The following SPRYD7 variants were observed in gnomAD, a reference collection of about 807,000 sequenced individuals.
SPRYD7 encodes SPRY domain containing 7.
SPRYD7 carries 14 observed loss-of-function variants against 23.8 expected under a neutral mutation model. That is an observed-to-expected ratio of 0.59 (90% CI 0.39 to 0.92). SPRYD7 has a LOEUF of 0.92. Ranked by LOEUF, SPRYD7 falls within the 40% of genes least tolerant of loss-of-function variation. SPRYD7 has a pLI of 0.00. For synonymous variants in SPRYD7, 75 were observed against 84.9 expected (o/e 0.88, Z 0.64); for missense variants, 194 against 241.7 (o/e 0.80, Z 1.31).
Position 49,916,109 on chromosome 13 carries a change from C to T in SPRYD7, c.494-949G>A, listed in dbSNP as rs144045849. Among the ~76,000 whole-genome samples, 159 of 152,152 alleles carry T rather than the reference C, an allele frequency of 1.0e-3. 1 individual carries two copies. Among genetic ancestry groups the T allele is most frequent in the Middle Eastern group, 3.4e-3 (1 of 294 alleles). ...TTTGGGGTGGTGAATATGTTCATTA[C>T]CTTGACCCTGGTGATGACAAAACAA... is the stretch of plus-strand genomic sequence containing the variant. On this transcript the variant is annotated intron_variant, in intron 4 of 4. Transcript: ENST00000361840.
intron 3 of SPRYD7, among the ~76,000 whole-genome samples, chr13:49,926,682 A>G (rs993878021): frequency 6.6e-6 from 1 of 152,192 alleles, no homozygotes; most frequent in Non-Finnish European, 1.5e-5. Flanking sequence ...ACCTTTCTTC[A>G]TTCTTTCTAA....
rs1871621712 is a variant in SPRYD7, at chr13:49,936,187, T to TC, written c.48dup (p.Thr17AspfsTer52). 7 of 1,609,400 alleles carry TC rather than the reference T, an allele frequency of 4.3e-6. No individual in the cohort carries two copies. Among genetic ancestry groups the TC allele is most frequent in the Non-Finnish European group, 3.4e-6 (4 of 1,178,946 alleles). On this transcript the variant is annotated frameshift_variant, in exon 1 of 5. Transcript: ENST00000361840. LOFTEE classifies it high-confidence loss of function. ...ATCTCCTTCAGAGGGATGTGGCCAG[T>TC]CCCCCCGTCTCTGCAGCACCGCAGG...
At position 49,923,511 on chromosome 13, in the gene SPRYD7, G is replaced by A. The variant is rs372654415; in HGVS notation, c.391-1931C>T. On this transcript the variant is annotated intron_variant, in intron 3 of 4. Coordinates refer to ENST00000361840, the MANE Select transcript of SPRYD7 (RefSeq NM_020456.4). ...TGCCCGCCTCGGTCTCCCAAAATGC[G>A]GAGATTACAGGCGTTGGCCACCGCG... is the stretch of plus-strand genomic sequence containing the variant. 5.3e-5 allele frequency among the ~76,000 whole-genome samples: 8 copies of A among 152,228 alleles called. No homozygotes were observed. In the South Asian group the frequency reaches 8.3e-4, roughly 16 times the overall value.
intron 4 of SPRYD7, among the ~76,000 whole-genome samples, chr13:49,920,978 A>G (rs1955812024): frequency 6.6e-6 from 1 of 152,082 alleles, no homozygotes; most frequent in Admixed American, 6.6e-5. Flanking sequence ...AAATAAATAA[A>G]TAAAATAAAA....
chr13:49,932,625 G>GT (rs1340552743), intron 1 of SPRYD7, among the ~76,000 whole-genome samples: 2 of 152,136 alleles, frequency 1.3e-5, no homozygotes, highest in East Asian at 3.8e-4. Flanking sequence ...GGCAATAACT[G>GT]TACCAGCCAA....
At chr13:49,923,719 C>T (rs2138224150) in intron 3 of SPRYD7, among the ~76,000 whole-genome samples, 1 of 152,266 alleles carries the variant, frequency 6.6e-6, no homozygotes, top group East Asian at 1.9e-4. Flanking sequence ...GTGGCGCGAC[C>T]TTGGCTCAGT....
At chr13:49,917,234 G>C (rs1470536989) in intron 4 of SPRYD7, among the ~76,000 whole-genome samples, 1 of 152,124 alleles carries the variant, frequency 6.6e-6, no homozygotes, top group Non-Finnish European at 1.5e-5. Flanking sequence ...CTCCCAAGTA[G>C]CTGGGACCAC....
intron 4 of SPRYD7, 44 bp downstream of exon 4, chr13:49,921,434 A>AGTTAATATGT: frequency 8.2e-7 from 1 of 1,215,386 alleles, no homozygotes; most frequent in Non-Finnish European, 1.2e-6. Context: ...ACACCAAACA[A>AGTTAATATGT]GTTAATATGT....
chr13:49,927,776 C>T, intron 3 of SPRYD7, 143 bp downstream of exon 3: 1 of 807,662 alleles, frequency 1.2e-6, no homozygotes, highest in Non-Finnish European at 1.9e-6. Flanking sequence ...ACCAAGTGCT[C>T]TCCTGGAAAA....
At chr13:49,931,251 C>A (rs1479065623) in intron 1 of SPRYD7, 117 bp from the exon 2 acceptor site, 2 of 525,714 alleles carry the variant, frequency 3.8e-6, no homozygotes, top group Non-Finnish European at 6.6e-6. Flanking sequence ...ACGGTCTTGG[C>A]TCACTGCAAC....
At chr13:49,921,372 T>C (rs1955818117) in intron 4 of SPRYD7, 106 bp downstream of exon 4, 3 of 714,784 alleles carry the variant, frequency 4.2e-6, no homozygotes, top group Admixed American at 4.2e-5. Context: ...CCTTTATAAA[T>C]TACCAAGTCT....
At chr13:49,930,396 A>G (rs763197674) in intron 2 of SPRYD7, among the ~76,000 whole-genome samples, 6 of 152,040 alleles carry the variant, frequency 3.9e-5, no homozygotes, top group Admixed American at 6.5e-5. Flanking sequence ...CCTGACCAAC[A>G]TGGTGAAACC....
chr13:49,932,843 T>C (rs540480551), intron 1 of SPRYD7, among the ~76,000 whole-genome samples: 25 of 152,248 alleles, frequency 1.6e-4, no homozygotes, highest in Non-Finnish European at 3.2e-4. Context: ...GATCCTATTG[T>C]ATGATTACTA....
At chr13:49,927,079 G>C (rs189229283) in intron 3 of SPRYD7, among the ~76,000 whole-genome samples, 1 of 151,978 alleles carries the variant, frequency 6.6e-6, no homozygotes, top group Non-Finnish European at 1.5e-5. Context: ...ACTTTTCTAC[G>C]ATCAAGCTTT....
At chr13:49,918,418 C>CTTT (rs1228444265) in intron 4 of SPRYD7, among the ~76,000 whole-genome samples, 1 of 97,084 alleles carries the variant, frequency 1.0e-5, no homozygotes, top group African/African-American at 3.6e-5. Context: ...TTTTTTTTTT[C>CTTT]TTTTTTTTGA....
chr13:49,919,275 G>A (rs1161558334), intron 4 of SPRYD7, among the ~76,000 whole-genome samples: 1 of 151,944 alleles, frequency 6.6e-6, no homozygotes, highest in East Asian at 2.0e-4. Flanking sequence ...AAGTTGGCCA[G>A]GTGCTCACAC....
At chr13:49,916,408 A>G (rs1955751789) in intron 4 of SPRYD7, among the ~76,000 whole-genome samples, 1 of 152,170 alleles carries the variant, frequency 6.6e-6, no homozygotes, top group Non-Finnish European at 1.5e-5. Flanking sequence ...TGAAGTCACC[A>G]GTGATTTTAA....
chr13:49,927,105 G>A (rs191266816), intron 3 of SPRYD7, among the ~76,000 whole-genome samples: 73 of 152,134 alleles, frequency 4.8e-4, no homozygotes, highest in African/African-American at 1.6e-3. Flanking sequence ...TTTGAGTTCC[G>A]TTCTCTGAAG....
intron 2 of SPRYD7, among the ~76,000 whole-genome samples, chr13:49,928,324 C>G (rs571478023): frequency 8.5e-5 from 13 of 152,142 alleles, no homozygotes; most frequent in Non-Finnish European, 4.4e-5. Flanking sequence ...TGCCTGTAAC[C>G]CCAGCTACTC....
Sources: gnomAD v4.1 joint callset for allele counts (sites outside exome capture counted in the v4.1 genomes callset) on GRCh38, gnomAD v4.1.1 for gene constraint, MANE v1.5 for transcripts, NCBI Gene and HGNC (gene_info 2026-07-23, HGNC 2026-07-21) for gene names.